NT5DC1: variants seen among roughly 807,000 people sequenced by gnomAD.
The protein encoded by NT5DC1 is 5'-nucleotidase domain-containing protein 1.
Under a neutral mutation model 59.4 loss-of-function variants are expected in NT5DC1, and 42 were observed. The ratio of observed to expected loss-of-function variants is 0.71; its 90% CI spans 0.55 to 0.92. The LOEUF (loss-of-function observed/expected upper bound fraction) is 0.92, where lower values mean the gene tolerates loss of function less well. Among genes scored for constraint, NT5DC1 ranks in the 40% least tolerant of loss-of-function variants. NT5DC1 has a pLI of 0.00. For missense variants in NT5DC1, 501 were observed against 537.1 expected, an observed-to-expected ratio of 0.93 and a Z score of 0.66; for synonymous variants, 172 against 188.1, an observed-to-expected ratio of 0.91 and a Z score of 0.70.
chr6:116,160,562 T>G (rs1483014174), intron 6 of NT5DC1, among the ~76,000 whole-genome samples: 1 of 152,204 alleles, frequency 6.6e-6, no homozygotes, highest in Admixed American at 6.5e-5. Context: ...TTTCTCTCAT[T>G]CTGTATATTG....
At chr6:116,122,042 G>T in intron 6 of NT5DC1, 1 of 1,162,472 alleles carries the variant, frequency 8.6e-7, no homozygotes, top group Non-Finnish European at 1.3e-6. Context: ...TTCAAACTAT[G>T]AATTGGGACA....
At chr6:116,131,077 C>A (rs1222436074) in intron 6 of NT5DC1, among the ~76,000 whole-genome samples, 2 of 152,038 alleles carry the variant, frequency 1.3e-5, no homozygotes, top group Non-Finnish European at 2.9e-5. Context: ...TTTATACTTT[C>A]ATAAAGTACA....
chr6:116,218,327 GAA>G (rs944280537), intron 6 of NT5DC1, among the ~76,000 whole-genome samples: 14 of 152,114 alleles, frequency 9.2e-5, no homozygotes, highest in Non-Finnish European at 1.9e-4. Context: ...ATATAGCTAA[GAA>G]AAAATAATTT....
rs1778811029 is a variant in NT5DC1, at chr6:116,108,696, G to A, written c.257+261G>A. On this transcript the variant is annotated intron_variant, in intron 3 of 11. Transcript: ENST00000319550. ...ACATACAATAGAAAGTTTATAACCT[G>A]CTACGTCTCATTGACCACTCCTTCT... Among the ~76,000 whole-genome samples the A allele has an allele frequency of 2.0e-5, 3 of 152,166 alleles. No individual in the cohort carries two copies. In the South Asian group the frequency reaches 6.2e-4, roughly 32 times the overall value.
chr6:116,120,194 A>G, intron 6 of NT5DC1: 3 of 1,614,124 alleles, frequency 1.9e-6, no homozygotes, highest in Non-Finnish European at 2.5e-6. Context: ...GAGATCGATG[A>G]TGGCACTCCC....
intron 6 of NT5DC1, among the ~76,000 whole-genome samples, chr6:116,143,234 CAG>C (rs1779809890): frequency 6.6e-6 from 1 of 151,982 alleles, no homozygotes; most frequent in Non-Finnish European, 1.5e-5. Flanking sequence ...ATTTTTGAGA[CAG>C]AGTCTTGCTC....
intron 8 of NT5DC1, among the ~76,000 whole-genome samples, chr6:116,227,564 C>CT (rs1268957567): frequency 6.6e-6 from 1 of 152,072 alleles, no homozygotes; most frequent in Non-Finnish European, 1.5e-5. Context: ...AATGGCTAAA[C>CT]TAATTTACAA....
chr6:116,239,182 A>G, intron 11 of NT5DC1, 59 bp downstream of exon 11: 2 of 1,216,406 alleles, frequency 1.6e-6, no homozygotes, highest in South Asian at 1.4e-5. Context: ...GACCAGTACT[A>G]GAATTCTTGT....
In NT5DC1 at chr6:116,247,623, T is replaced by A. The variant is rs1005786359; in HGVS notation, c.*3599T>A. The A allele has an allele frequency of 6.6e-6, 1 of 152,232 alleles. No individual in the cohort carries two copies. The highest frequency in any genetic ancestry group is 1.5e-5 in the Non-Finnish European group (1 of 68,028). The allele number at this position is 152,232 out of a possible 1,614,324, so 9.4% of individuals were successfully genotyped here. A position where few individuals can be genotyped will look rare whatever the true frequency, so the allele number is the denominator to read the frequency against. On this transcript the variant is annotated 3_prime_UTR_variant, in exon 12 of 12. Transcript: ENST00000319550. ...AGACTGCTTGCCAATCAGTTTGTTG[T>A]ACCATGTACCTGTTCACAGACTCTT...
chr6:116,240,710 G>C (rs1311641210), intron 11 of NT5DC1, among the ~76,000 whole-genome samples: 2 of 152,152 alleles, frequency 1.3e-5, no homozygotes, highest in East Asian at 3.8e-4. Flanking sequence ...CATAAATATA[G>C]ATTAAATAAC....
chr6:116,202,621 A>G (rs1006418158), intron 6 of NT5DC1, among the ~76,000 whole-genome samples: 1 of 152,032 alleles, frequency 6.6e-6, no homozygotes, highest in African/African-American at 2.4e-5. Flanking sequence ...ATTGAGTGGT[A>G]TTTACAGAGT....
At chr6:116,173,238 C>G (rs545547635) in intron 6 of NT5DC1, among the ~76,000 whole-genome samples, 290 of 152,318 alleles carry the variant, frequency 1.9e-3, no homozygotes, top group Non-Finnish European at 2.9e-3. Context: ...TACTCCTTAC[C>G]ACTCAACTTG....
intron 6 of NT5DC1, chr6:116,120,587 G>A: frequency 3.1e-6 from 5 of 1,591,026 alleles, no homozygotes; most frequent in Non-Finnish European, 3.4e-6. Flanking sequence ...TGGAGGCCCA[G>A]GGGGCCCTGG....
At chr6:116,228,271 G>A (rs1781946524) in intron 8 of NT5DC1, among the ~76,000 whole-genome samples, 1 of 151,566 alleles carries the variant, frequency 6.6e-6, no homozygotes, top group Non-Finnish European at 1.5e-5. Flanking sequence ...CACTTTGGGA[G>A]GCTGAGGCGG....
chr6:116,229,868 G>C (rs767508085), intron 8 of NT5DC1, among the ~76,000 whole-genome samples: 1 of 152,064 alleles, frequency 6.6e-6, no homozygotes, highest in Non-Finnish European at 1.5e-5. Flanking sequence ...ATCTTTCCCT[G>C]AGACCTGTTT....
chr6:116,186,254 G>C (rs1474458757), intron 6 of NT5DC1, among the ~76,000 whole-genome samples: 1 of 151,612 alleles, frequency 6.6e-6, no homozygotes, highest in Non-Finnish European at 1.5e-5. Flanking sequence ...AATCTGATAG[G>C]TTTTCCTTTA....
intron 5 of NT5DC1, among the ~76,000 whole-genome samples, chr6:116,116,163 C>T (rs181963415): frequency 1.1e-4 from 16 of 152,002 alleles, no homozygotes; most frequent in African/African-American, 3.1e-4. Flanking sequence ...ATAGAAAAAT[C>T]GGATGAAATT....
At chr6:116,110,616 AGAGT>A (rs1778855400) in intron 3 of NT5DC1, 1 of 606,684 alleles carries the variant, frequency 1.6e-6, no homozygotes, top group African/African-American at 1.8e-5. Flanking sequence ...TGTTGACCTC[AGAGT>A]GAGTATCTCC....
intron 6 of NT5DC1, among the ~76,000 whole-genome samples, chr6:116,210,495 C>T (rs1045514522): frequency 2.0e-5 from 3 of 151,944 alleles, no homozygotes; most frequent in African/African-American, 7.2e-5. Context: ...GATTCTGCCA[C>T]ATGGTAGCTG....
Sources: gnomAD v4.1 joint callset for allele counts (sites outside exome capture counted in the v4.1 genomes callset) on GRCh38, gnomAD v4.1.1 for gene constraint, MANE v1.5 for transcripts, NCBI Gene and HGNC (gene_info 2026-07-23, HGNC 2026-07-21) for gene names.